Variants in GSG1 observed in about 807,000 individuals in gnomAD.
GSG1 encodes germ cell associated 1, also known as germ cell-specific gene 1 protein.
In GSG1, 28 loss-of-function variants were observed where a neutral mutation model predicts 30.8. The ratio of observed to expected loss-of-function variants is 0.91; its 90% confidence interval spans 0.67 to 1.25. The LOEUF (loss-of-function observed/expected upper bound fraction) is 1.25. GSG1 is among the 50% of genes most tolerant of loss of function. GSG1 has a pLI of 0.00. For synonymous variants in GSG1, 162 were observed against 178.0 expected, an observed-to-expected ratio of 0.91 and a Z score of 0.71; for missense variants, 435 against 444.7, an observed-to-expected ratio of 0.98 and a Z score of 0.20.
chr12:13,099,083 C>T (rs1862959079), intron 1 of GSG1, among the ~76,000 whole-genome samples: 1 of 152,172 alleles, frequency 6.6e-6, no homozygotes, highest in African/African-American at 2.4e-5. Context: ...GTGTACTTGG[C>T]TGCCTGGCTG....
At chr12:13,102,903 C>G (rs1248255645) in intron 1 of GSG1, among the ~76,000 whole-genome samples, 1 of 152,248 alleles carries the variant, frequency 6.6e-6, no homozygotes, top group Admixed American at 6.5e-5. Flanking sequence ...GGAAGGATCC[C>G]TGAAGATTCT....
intron 2 of GSG1, among the ~76,000 whole-genome samples, chr12:13,089,513 C>T (rs548138170): frequency 4.1e-4 from 62 of 152,278 alleles, no homozygotes; most frequent in Admixed American, 2.5e-3. Context: ...GAACGCACAT[C>T]GACCAGCACC....
chr12:13,096,427 C>G (rs1866664632), intron 1 of GSG1, among the ~76,000 whole-genome samples: 1 of 147,160 alleles, frequency 6.8e-6, no homozygotes, highest in African/African-American at 2.5e-5. Flanking sequence ...TGAGCCGAGA[C>G]TGCGCCACTG....
intron 6 of GSG1, among the ~76,000 whole-genome samples, chr12:13,086,081 G>C (rs970942248): frequency 6.6e-6 from 1 of 152,320 alleles, no homozygotes; most frequent in East Asian, 1.9e-4. Flanking sequence ...ATTTCATGAG[G>C]CCAAGTGATG....
chr12:13,085,667 C>T (rs1039387569), intron 6 of GSG1, among the ~76,000 whole-genome samples: 8 of 151,986 alleles, frequency 5.3e-5, no homozygotes, highest in African/African-American at 1.9e-4. Context: ...CCCACCCCAA[C>T]ACACACACAC....
At position 13,093,480 on chromosome 12, in the gene GSG1, C is replaced by T. The variant is rs1051040602; in HGVS notation, c.49-2662G>A. Reference sequence around the variant, plus strand: ...TGGAGGATAAAAGAGGGCAGTGAACCTACTGGGATGTGGGGCTATTGAAAC... The same window carrying T: ...TGGAGGATAAAAGAGGGCAGTGAACTTACTGGGATGTGGGGCTATTGAAAC... On this transcript the variant is annotated intron_variant, in intron 1 of 6. Transcript: ENST00000651961. This position sits in a 1 kb window ranked among gnomAD's most constrained non-coding sequence, Gnocchi z 4.6. Among the ~76,000 whole-genome samples the T allele has an allele frequency of 5.3e-5, 8 of 152,168 alleles. No individual in the cohort carries two copies. The highest frequency in any genetic ancestry group is 1.0e-4 in the Non-Finnish European group (7 of 68,018).
chr12:13,099,500 A>G (rs1862992399), intron 1 of GSG1, among the ~76,000 whole-genome samples: 1 of 152,232 alleles, frequency 6.6e-6, no homozygotes, highest in Non-Finnish European at 1.5e-5. Flanking sequence ...ATATTTGCTG[A>G]GGTCCTCAGT....
rs371280503 is a variant in GSG1 at position 13,090,521 on chromosome 12, C to A, written c.346G>T (p.Glu116Ter). The change falls in exon 2 of 7, where the codon GAA becomes TAA. Residue 116 changes from glutamate (E) to a stop codon, truncating the protein, a stop_gained. Coordinates refer to ENST00000651961, the MANE Select transcript of GSG1 (RefSeq NM_001080555.4). LOFTEE classifies it high-confidence loss of function. ...FRSGMWLSCE[E>*]TVEEPALLHP... ...AGGCTACCTGGTTCTTCCACAGTTT[C>A]CTCACAGGATAGCCACATGCCACTC... 5 of 1,610,926 alleles carry A rather than the reference C, an allele frequency of 3.1e-6. No homozygotes were observed. In the Admixed American group the frequency reaches 5.0e-5, roughly 16 times the overall value.
intron 1 of GSG1, among the ~76,000 whole-genome samples, chr12:13,097,409 A>G (rs141537871): frequency 1.8e-4 from 27 of 151,766 alleles, no homozygotes; most frequent in African/African-American, 5.8e-4. Flanking sequence ...GGGTCTCACT[A>G]TGTTGTCCAG....
At position 13,083,718 on chromosome 12, in the gene GSG1, T is replaced by C. The variant is rs778236606; in HGVS notation, c.*1183A>G. On this transcript the variant is annotated 3_prime_UTR_variant, in exon 7 of 7. Transcript: ENST00000651961. Reference sequence around the variant, plus strand: ...ACCCCATGACAGGCCCGGTGTGTGATGTTCCCCACCCTGTGTCCAAGTGTT... The same window carrying C: ...ACCCCATGACAGGCCCGGTGTGTGACGTTCCCCACCCTGTGTCCAAGTGTT... The C allele has an allele frequency of 8.3e-6, 1 of 120,494 alleles. No homozygotes were observed. Among genetic ancestry groups the C allele is most frequent in the African/African-American group, 3.2e-5 (1 of 31,336 alleles). 7.5% of individuals were successfully genotyped at this position (120,494 alleles called of 1,614,324 possible).
intron 1 of GSG1, among the ~76,000 whole-genome samples, chr12:13,102,004 C>G (rs764677983): frequency 6.6e-6 from 1 of 152,178 alleles, no homozygotes; most frequent in Non-Finnish European, 1.5e-5. Flanking sequence ...AAGAGTGCCT[C>G]TAAGCAGAAA....
chr12:13,088,159 G>T, intron 4 of GSG1, 100 bp from the exon 5 acceptor site: 1 of 1,303,478 alleles, frequency 7.7e-7, no homozygotes, highest in Non-Finnish European at 1.1e-6. Flanking sequence ...GACCCTAGCA[G>T]CATCTGAGAA....
In GSG1 at chr12:13,084,005, G is replaced by A. The variant is rs1330725774; in HGVS notation, c.*896C>T. 2.6e-5 allele frequency: 4 copies of A among 152,124 alleles called. No homozygotes were observed. The highest frequency in any genetic ancestry group is 9.7e-5 in the African/African-American group (4 of 41,406). The allele number at this position is 152,124 out of a possible 1,614,324, so 9.4% of individuals were successfully genotyped here. On this transcript the variant is annotated 3_prime_UTR_variant, in exon 7 of 7. Coordinates refer to ENST00000651961, the MANE Select transcript of GSG1 (RefSeq NM_001080555.4). ...TGCCGTAATAAACATATGTGTGCAT[G>A]TGTCTTTATAGCAGCATGATTTGTA...
chr12:13,086,395 G>A (rs924394491), intron 6 of GSG1, among the ~76,000 whole-genome samples: 12 of 152,168 alleles, frequency 7.9e-5, no homozygotes, highest in African/African-American at 1.9e-4. Flanking sequence ...TTCCTTCCCC[G>A]AATGGAAACT....
At position 13,089,117 on chromosome 12, in the gene GSG1, G is replaced by A. The variant is rs1591628814; in HGVS notation, c.433+91C>T. ...ATTTCTCTCTTCAGTCTCTGATAAT[G>A]CAGAAGATGTTTCCATGAGAGCACC... On this transcript the variant is annotated intron_variant, in intron 3 of 6. Coordinates refer to ENST00000651961, the MANE Select transcript of GSG1 (RefSeq NM_001080555.4). The A allele has an allele frequency of 5.9e-6, 8 of 1,363,896 alleles. No individual in the cohort carries two copies. In the East Asian group the frequency reaches 2.0e-4, roughly 34 times the overall value. The allele number at this position is 1,363,896 out of a possible 1,614,324, so 84.5% of individuals were successfully genotyped here.
Position 13,090,577 on chromosome 12 carries a change from CCA to C in GSG1, c.288_289del (p.Asp98Ter). On this transcript the variant is annotated frameshift_variant, in exon 2 of 7. Coordinates refer to ENST00000651961, the MANE Select transcript of GSG1 (RefSeq NM_001080555.4). LOFTEE classifies it high-confidence loss of function. ...GCTCCGGAAGGAGAACCGGTCATCC[CCA>C]GTCTCCCAGTTGTATTGTACCACCT... 6.2e-7 allele frequency: 1 copy of C among 1,614,244 alleles called. No individual in the cohort carries two copies. The highest frequency in any genetic ancestry group is 8.5e-7 in the Non-Finnish European group (1 of 1,180,036).
chr12:13,087,254 C>T lies in GSG1; in HGVS notation c.644G>A (p.Gly215Glu). The T allele has an allele frequency of 6.2e-7, 1 of 1,613,002 alleles. No homozygotes were observed. Among genetic ancestry groups the T allele is most frequent in the Non-Finnish European group, 8.5e-7 (1 of 1,178,976 alleles). The part of the protein sequence containing the change: ...AVSSVLSGLL[G>E]MVAHMMYSQV... Reference sequence around the variant, plus strand: ...TGAATACATCATGTGGGCCACCATCCCCAGGAGACCTACCAAGGAAACAGG... The same window carrying T: ...TGAATACATCATGTGGGCCACCATCTCCAGGAGACCTACCAAGGAAACAGG... The change falls in exon 6 of 7, where the codon GGG becomes GAG. Residue 215 changes from glycine (G) to glutamate (E), a missense_variant. Coordinates refer to ENST00000651961, the MANE Select transcript of GSG1 (RefSeq NM_001080555.4).
chr12:13,088,019 G>C lies in GSG1; in HGVS notation c.522C>G (p.Ile174Met). ...WLSLGTQITY[I>M]GLQFISFLLL... Reference sequence around the variant, plus strand: ...GGAGGAAGCTGATGAATTGAAGTCCGATGTAGGTGATCTGCGTTCCCAGGG... The same window carrying C: ...GGAGGAAGCTGATGAATTGAAGTCCCATGTAGGTGATCTGCGTTCCCAGGG... The change falls in exon 5 of 7, where the codon ATC becomes ATG. Residue 174 changes from isoleucine to methionine, a missense_variant. Ile to Met is a conservative substitution (Grantham distance 10, BLOSUM62 1). Coordinates refer to ENST00000651961, the MANE Select transcript of GSG1 (RefSeq NM_001080555.4). 6.2e-7 allele frequency: 1 copy of C among 1,614,234 alleles called. No homozygotes were observed. Among genetic ancestry groups the C allele is most frequent in the Non-Finnish European group, 8.5e-7 (1 of 1,180,034 alleles).
intron 1 of GSG1, among the ~76,000 whole-genome samples, chr12:13,099,762 T>TTTTTTTTTG (rs1565551377): frequency 2.7e-5 from 4 of 148,262 alleles, no homozygotes; most frequent in African/African-American, 1.0e-4. Context: ...TTTTTTTTTT[T>TTTTTTTTTG]TTTTTTGTTT....
Sources: gnomAD v4.1 joint callset for allele counts (sites outside exome capture counted in the v4.1 genomes callset) on GRCh38, gnomAD v4.1.1 for gene constraint, Gnocchi (gnomAD v3.1) non-coding constraint, MANE v1.5 for transcripts, NCBI Gene and HGNC (gene_info 2026-07-23, HGNC 2026-07-21) for gene names.